Variants in CDH23 observed in about 807,000 individuals in gnomAD.
CDH23 encodes the protein cadherin related 23.
A neutral mutation model predicts 317.1 loss-of-function variants in CDH23; 189 were observed. The ratio of observed to expected loss-of-function variants is 0.60; its 90% CI spans 0.53 to 0.67. CDH23 has a LOEUF of 0.67. CDH23 is among the 30% of genes least tolerant of loss of function. The pLI, the probability that CDH23 is intolerant of heterozygous loss-of-function variation, is 0.00. For missense variants in CDH23, 4,401 were observed against 4,592.4 expected (o/e 0.96, Z 1.20); for synonymous variants, 1,839 against 1,876.8 (o/e 0.98, Z 0.52).
intron 16 of CDH23, among the ~76,000 whole-genome samples, chr10:71,677,992 C>A (rs574030852): frequency 6.6e-6 from 1 of 152,140 alleles, no homozygotes; most frequent in African/African-American, 2.4e-5. Flanking sequence ...ACCTTCTATC[C>A]GCAAAGAATA....
intron 28 of CDH23, among the ~76,000 whole-genome samples, chr10:71,721,638 A>G (rs1866561598): frequency 6.6e-6 from 1 of 152,076 alleles, no homozygotes; most frequent in Admixed American, 6.5e-5. Flanking sequence ...CCTCCCCACC[A>G]TCAACATGCT....
In CDH23 at chr10:71,799,217, T is replaced by C. The variant is rs727504990; in HGVS notation, c.7161T>C (p.Pro2387=). The C allele has an allele frequency of 3.1e-6, 5 of 1,613,966 alleles. No homozygotes were observed. Among genetic ancestry groups the C allele is most frequent in the South Asian group, 2.2e-5 (2 of 91,094 alleles). Residue 2387 remains proline, a synonymous_variant, in exon 51 of 70, where the codon CCT becomes CCC. Transcript: ENST00000224721. ...NGSPPRAAEI[P]VYLEIVDIND... is the part of the protein sequence containing the mutation. ...CCCCGCCCCGGGCAGCTGAGATCCC[T>C]GTCTACCTGGAAATCGTGGACATCA...
chr10:71,761,061 C>T, intron 38 of CDH23: 2 of 809,526 alleles, frequency 2.5e-6, no homozygotes, highest in East Asian at 2.6e-5. Flanking sequence ...CAGTGGCAGC[C>T]TGCACACGTG....
chr10:71,582,532 G>T (rs182091417), intron 9 of CDH23, among the ~76,000 whole-genome samples: 1 of 152,128 alleles, frequency 6.6e-6, no homozygotes, highest in Non-Finnish European at 1.5e-5. Flanking sequence ...TATTTCTGTT[G>T]GTGGCTGTGT....
chr10:71,653,426 C>A (rs1445603136), intron 14 of CDH23, among the ~76,000 whole-genome samples: 1 of 152,234 alleles, frequency 6.6e-6, no homozygotes, highest in Non-Finnish European at 1.5e-5. Context: ...TCAGAGATCA[C>A]CCCTGTCCCT....
At chr10:71,783,949 A>G (rs1033020203) in intron 41 of CDH23, among the ~76,000 whole-genome samples, 1 of 152,200 alleles carries the variant, frequency 6.6e-6, no homozygotes, top group African/African-American at 2.4e-5. Context: ...GTGCTAGTGT[A>G]GCAAGAAGCC....
intron 14 of CDH23, among the ~76,000 whole-genome samples, chr10:71,650,965 G>A (rs577756762): frequency 3.9e-5 from 6 of 152,334 alleles, no homozygotes; most frequent in South Asian, 4.1e-4. Context: ...TTCAACAAAC[G>A]TTTGGTGAAT....
chr10:71,788,981 C>A lies in CDH23; in HGVS notation c.5862C>A (p.Asp1954Glu). 1 of 1,605,598 alleles carries A rather than the reference C, an allele frequency of 6.2e-7. No individual in the cohort carries two copies. The highest frequency in any genetic ancestry group is 2.2e-5 in the East Asian group (1 of 44,848). The change falls in exon 45 of 70, where the codon GAC (aspartate) becomes GAA (glutamate). Residue 1954 changes from aspartate to glutamate, a missense_variant. By Grantham distance (45) the Asp-to-Glu change is conservative (BLOSUM62 2). Around this residue, in one of 3 missense-constraint regions of CDH23, gnomAD observed 3,068 missense variants for 3,203.3 expected, o/e 0.96. Coordinates refer to ENST00000224721, the MANE Select transcript of CDH23 (RefSeq NM_022124.6). Reference protein sequence around the residue: ...LLLIFLSDENDNHPLFTKSTY... With the variant: ...LLLIFLSDENENHPLFTKSTY... ...TGATCTTCCTTTCTGATGAGAATGA[C>A]AACCACCCCCTCTTCACTAAAAGCA...
At chr10:71,699,729 C>T (rs547649345) in intron 22 of CDH23, among the ~76,000 whole-genome samples, 43 of 152,126 alleles carry the variant, frequency 2.8e-4, no homozygotes, top group African/African-American at 9.7e-4. Flanking sequence ...AGAAAAATGA[C>T]GGGCGTGAAA....
At chr10:71,753,884 C>T (rs188082598) in intron 38 of CDH23, 56 of 456,428 alleles carry the variant, frequency 1.2e-4, no homozygotes, top group Non-Finnish European at 2.0e-4. Flanking sequence ...GGTCAGGCTT[C>T]GTGCAGGTGC....
chr10:71,403,463 TTCCTTCCTTCCTTCC>T (rs1564558654), intron 1 of CDH23, among the ~76,000 whole-genome samples: 7 of 39,316 alleles, frequency 1.8e-4, no homozygotes, highest in African/African-American at 1.4e-3. Context: ...CTTTCCTTCC[TTCCTTCCTTCCTTCC>T]TTCCTTCCTT....
intron 20 of CDH23, 77 bp from the exon 21 acceptor site, chr10:71,694,070 T>C: frequency 8.8e-7 from 1 of 1,138,286 alleles, no homozygotes; most frequent in Non-Finnish European, 1.3e-6. Context: ...TCTCCTTCCC[T>C]CGCTCTCTCT....
At chr10:71,581,761 G>A (rs570137547) in intron 9 of CDH23, among the ~76,000 whole-genome samples, 3 of 152,162 alleles carry the variant, frequency 2.0e-5, no homozygotes, top group Non-Finnish European at 2.9e-5. Flanking sequence ...TTTTCTTGGG[G>A]GCCTGACCAA....
intron 3 of CDH23, among the ~76,000 whole-genome samples, chr10:71,483,518 C>G (rs1200046171): frequency 2.6e-5 from 4 of 152,188 alleles, no homozygotes; most frequent in Non-Finnish European, 1.5e-5. Context: ...CCTCAAGAAC[C>G]CAGGCGAGCA....
intron 14 of CDH23, among the ~76,000 whole-genome samples, chr10:71,650,421 T>A (rs957964405): frequency 6.6e-6 from 1 of 152,178 alleles, no homozygotes; most frequent in Non-Finnish European, 1.5e-5. Context: ...TGTGTATATG[T>A]GCGCAGGCAT....
intron 1 of CDH23, among the ~76,000 whole-genome samples, chr10:71,412,973 A>T (rs4423111): frequency 0.98 from 148,701 of 152,296 alleles, 72,626 homozygotes; most frequent in East Asian, 1. Flanking sequence ...TGCAGAAAAA[A>T]TTTTAATTTT....
chr10:71,753,011 A>G, intron 38 of CDH23: 1 of 1,611,916 alleles, frequency 6.2e-7, no homozygotes, highest in South Asian at 1.1e-5. Flanking sequence ...ACCTAGGGAC[A>G]GACAGACAGA....
At chr10:71,733,175 A>G (rs1589383573) in intron 32 of CDH23, among the ~76,000 whole-genome samples, 1 of 152,240 alleles carries the variant, frequency 6.6e-6, no homozygotes, top group East Asian at 1.9e-4. Flanking sequence ...TTACCAAAGT[A>G]TTATGAAGGA....
At chr10:71,758,997 G>A (rs1439010045) in intron 38 of CDH23, among the ~76,000 whole-genome samples, 2 of 151,890 alleles carry the variant, frequency 1.3e-5, no homozygotes, top group Non-Finnish European at 2.9e-5. Context: ...AGCCTCCCGA[G>A]TAGCTGGGAT....
Sources: gnomAD v4.1 joint callset for allele counts (sites outside exome capture counted in the v4.1 genomes callset) on GRCh38, gnomAD v4.1.1 for gene constraint, gnomAD v4.1.1 regional missense constraint, MANE v1.5 for transcripts, NCBI Gene and HGNC (gene_info 2026-07-23, HGNC 2026-07-21) for gene names.